Variants in L3MBTL4 observed in about 807,000 individuals in gnomAD.
The protein encoded by L3MBTL4 is lethal(3)malignant brain tumor-like protein 4.
Under a neutral mutation model 84.5 loss-of-function variants are expected in L3MBTL4, and 70 were observed. The observed-to-expected ratio is 0.83, with a 90% confidence interval of 0.68 to 1.01. The LOEUF (loss-of-function observed/expected upper bound fraction) is 1.01, where lower values mean the gene tolerates loss of function less well. Among genes scored for constraint, L3MBTL4 ranks in the 50% least tolerant of loss-of-function variants. The pLI, the probability that L3MBTL4 is intolerant of heterozygous loss-of-function variation, is 0.00. For missense variants in L3MBTL4, 715 were observed against 754.8 expected (o/e 0.95, Z 0.62); for synonymous variants, 274 against 259.8 (o/e 1.05, Z -0.52).
intron 14 of L3MBTL4, among the ~76,000 whole-genome samples, chr18:6,133,349 A>G (rs1009641013): frequency 1.5e-3 from 228 of 152,002 alleles, no homozygotes; most frequent in Middle Eastern, 6.8e-3. Context: ...ACACACACAC[A>G]CACACACACT....
chr18:5,959,165 G>A (rs62076841), intron 18 of L3MBTL4, among the ~76,000 whole-genome samples: 8,567 of 152,240 alleles, frequency 0.056, 453 homozygotes, highest in East Asian at 0.22. Flanking sequence ...GGAGAGGTAT[G>A]TGCTGCCTTT....
At chr18:6,290,337 ATAAT>A (rs2049801800) in intron 4 of L3MBTL4, among the ~76,000 whole-genome samples, 1 of 151,522 alleles carries the variant, frequency 6.6e-6, no homozygotes, top group South Asian at 2.1e-4. Context: ...GTTTATCAAT[ATAAT>A]TTCCTGTGTT....
At chr18:6,127,261 T>C (rs992379182) in intron 14 of L3MBTL4, among the ~76,000 whole-genome samples, 9 of 152,156 alleles carry the variant, frequency 5.9e-5, no homozygotes, top group African/African-American at 2.2e-4. Context: ...CCTAGACAAA[T>C]CTGTAAGCTT....
At chr18:6,241,493 C>A in intron 7 of L3MBTL4, 44 bp from the exon 8 acceptor site, 1 of 1,043,716 alleles carries the variant, frequency 9.6e-7, no homozygotes, top group South Asian at 1.4e-5. Context: ...AAGATGTAAT[C>A]ACATGCATAT....
intron 1 of L3MBTL4, among the ~76,000 whole-genome samples, chr18:6,357,452 T>G (rs2053496797): frequency 6.6e-6 from 1 of 152,212 alleles, no homozygotes; most frequent in Non-Finnish European, 1.5e-5. Context: ...ATCTTTTCTA[T>G]AAAACCAGCC....
intron 14 of L3MBTL4, among the ~76,000 whole-genome samples, chr18:6,122,200 A>G (rs2059553123): frequency 7.5e-6 from 1 of 133,388 alleles, no homozygotes; most frequent in Non-Finnish European, 1.5e-5. Flanking sequence ...CACAAATATA[A>G]CATATTATTA....
At chr18:6,092,548 A>G (rs1358757254) in intron 15 of L3MBTL4, among the ~76,000 whole-genome samples, 1 of 152,204 alleles carries the variant, frequency 6.6e-6, no homozygotes, top group Non-Finnish European at 1.5e-5. Context: ...GGTCTTGAAC[A>G]TGATTGCCTT....
At chr18:6,039,939 T>C (rs932721413) in intron 16 of L3MBTL4, among the ~76,000 whole-genome samples, 2 of 152,254 alleles carry the variant, frequency 1.3e-5, no homozygotes, top group Non-Finnish European at 2.9e-5. Flanking sequence ...GCTTAAGTAA[T>C]ATGATTATCG....
intron 16 of L3MBTL4, among the ~76,000 whole-genome samples, chr18:5,971,585 T>A (rs1190107085): frequency 6.6e-6 from 1 of 152,206 alleles, no homozygotes; most frequent in East Asian, 1.9e-4. Flanking sequence ...GTGATTAGAT[T>A]TCTGTGATTC....
chr18:6,223,120 A>T (rs1053935878), intron 10 of L3MBTL4, among the ~76,000 whole-genome samples: 1 of 152,046 alleles, frequency 6.6e-6, no homozygotes, highest in African/African-American at 2.4e-5. Context: ...GATTCTAGAG[A>T]ATCTAAAAAA....
chr18:6,061,769 A>AAAAATT (rs2057229954), intron 16 of L3MBTL4, among the ~76,000 whole-genome samples: 1 of 151,854 alleles, frequency 6.6e-6, no homozygotes, highest in Non-Finnish European at 1.5e-5. Context: ...CTCTTATCAT[A>AAAAATT]TCAATTATAC....
intron 16 of L3MBTL4, among the ~76,000 whole-genome samples, chr18:5,995,029 A>G (rs1462917219): frequency 6.6e-6 from 1 of 152,266 alleles, no homozygotes; most frequent in Non-Finnish European, 1.5e-5. Context: ...GCATACAGAA[A>G]TGTGACTTTT....
At chr18:5,983,221 T>C (rs2053316866) in intron 16 of L3MBTL4, among the ~76,000 whole-genome samples, 1 of 152,262 alleles carries the variant, frequency 6.6e-6, no homozygotes, top group Admixed American at 6.5e-5. Flanking sequence ...AAACCTGTTT[T>C]ACACTGCTGT....
At chr18:6,317,806 C>G (rs2051185782) in intron 1 of L3MBTL4, among the ~76,000 whole-genome samples, 1 of 152,074 alleles carries the variant, frequency 6.6e-6, no homozygotes. Context: ...AGTCATCAAG[C>G]TATCTAAAGT....
chr18:6,083,481 GAA>G (rs1219603262), intron 15 of L3MBTL4, among the ~76,000 whole-genome samples: 1 of 152,162 alleles, frequency 6.6e-6, no homozygotes, highest in African/African-American at 2.4e-5. Flanking sequence ...TGGGCAGTGG[GAA>G]AAGTCACAGA....
At chr18:6,254,411 C>A (rs992582061) in intron 5 of L3MBTL4, among the ~76,000 whole-genome samples, 9 of 142,444 alleles carry the variant, frequency 6.3e-5, no homozygotes, top group Non-Finnish European at 1.1e-4. Flanking sequence ...CAAAGTGACA[C>A]CTTTTTTTTT....
intron 16 of L3MBTL4, chr18:6,032,286 A>T: frequency 3.2e-6 from 2 of 627,284 alleles, no homozygotes; most frequent in Non-Finnish European, 4.0e-6. Flanking sequence ...CTTAAATTAA[A>T]AAAAAAAAAA....
In L3MBTL4 at chr18:5,956,412, A is replaced by G. The variant is rs753297803; in HGVS notation, c.1678-25T>C. The G allele has an allele frequency of 3.1e-6, 5 of 1,609,880 alleles. No homozygotes were observed. The African/African-American group carries it at 6.7e-5, about 22-fold the overall frequency. ...GCTGCAAATACATAAATAGACACAA[A>G]TAAAAATGTTTTGCCACGGAAGCCT... On this transcript the variant is annotated intron_variant, in intron 18 of 18. Transcript: ENST00000317931.
intron 1 of L3MBTL4, among the ~76,000 whole-genome samples, chr18:6,323,685 C>T (rs1362309422): frequency 3.3e-5 from 5 of 152,144 alleles, no homozygotes; most frequent in African/African-American, 9.7e-5. Context: ...AGCCTATGCT[C>T]ATATGTGTGA....
Sources: allele counts gnomAD v4.1 joint callset (sites outside exome capture counted in the v4.1 genomes callset), GRCh38; gene constraint gnomAD v4.1.1; transcripts MANE v1.5; gene names NCBI Gene and HGNC (gene_info 2026-07-23, HGNC 2026-07-21).